AGBL1: variants seen among roughly 807,000 people sequenced by gnomAD.
AGBL1 encodes the protein AGBL carboxypeptidase 1, also known as cytosolic carboxypeptidase 4.
A neutral mutation model predicts 118.9 loss-of-function variants in AGBL1; 130 were observed. The observed-to-expected ratio is 1.09, with a 90% CI of 0.95 to 1.26. The LOEUF (loss-of-function observed/expected upper bound fraction) is 1.26. Ranked by LOEUF, AGBL1 falls within the 50% of genes most tolerant of loss-of-function variation. The pLI, the probability that AGBL1 is intolerant of heterozygous loss-of-function variation, is 0.00. For synonymous variants in AGBL1, 555 were observed against 478.9 expected, an observed-to-expected ratio of 1.16 and a Z score of -2.08; for missense variants, 1,584 against 1,298.1, an observed-to-expected ratio of 1.22 and a Z score of -3.38.
intron 1 of AGBL1, among the ~76,000 whole-genome samples, chr15:86,112,780 C>G (rs952712835): frequency 3.3e-5 from 5 of 152,224 alleles, no homozygotes; most frequent in African/African-American, 9.6e-5. Flanking sequence ...TTTTAAATCT[C>G]TTCCCATTTG....
At chr15:86,440,000 C>G (rs969721654) in intron 18 of AGBL1, among the ~76,000 whole-genome samples, 4 of 152,104 alleles carry the variant, frequency 2.6e-5, no homozygotes, top group African/African-American at 9.7e-5. Flanking sequence ...AATTTTTTCC[C>G]TGGATAGAAA....
chr15:86,596,228 A>G (rs952784036), intron 21 of AGBL1, among the ~76,000 whole-genome samples: 15 of 152,164 alleles, frequency 9.9e-5, no homozygotes, highest in African/African-American at 3.4e-4. Context: ...GGATTGCATG[A>G]GCCCTCCCTA....
At chr15:86,688,660 T>C (rs919667291) in intron 22 of AGBL1, among the ~76,000 whole-genome samples, 1 of 152,152 alleles carries the variant, frequency 6.6e-6, no homozygotes, top group Non-Finnish European at 1.5e-5. Flanking sequence ...TATTTCCCTA[T>C]GAAGTGAAAT....
At chr15:86,138,053 A>G (rs1321982875) in intron 1 of AGBL1, among the ~76,000 whole-genome samples, 1 of 152,180 alleles carries the variant, frequency 6.6e-6, no homozygotes, top group Non-Finnish European at 1.5e-5. Context: ...TGAGAAATTA[A>G]TAAAATATAT....
intron 18 of AGBL1, among the ~76,000 whole-genome samples, chr15:86,478,167 G>C (rs1032518972): frequency 2.6e-5 from 4 of 152,030 alleles, no homozygotes; most frequent in Admixed American, 2.0e-4. Flanking sequence ...TTTGAAAACG[G>C]GCACAAGACA....
At chr15:86,925,475 C>G (rs1284032696) in intron 23 of AGBL1, among the ~76,000 whole-genome samples, 1 of 152,108 alleles carries the variant, frequency 6.6e-6, no homozygotes, top group Non-Finnish European at 1.5e-5. Flanking sequence ...GAAGCTTTTT[C>G]TATTAATAAC....
At chr15:86,190,729 A>G (rs983479005) in intron 5 of AGBL1, among the ~76,000 whole-genome samples, 3 of 152,212 alleles carry the variant, frequency 2.0e-5, no homozygotes, top group Non-Finnish European at 1.5e-5. Flanking sequence ...ATCAAAGAAC[A>G]TGGACACAGA....
At chr15:86,334,181 G>A (rs1450726830) in intron 17 of AGBL1, among the ~76,000 whole-genome samples, 1 of 152,138 alleles carries the variant, frequency 6.6e-6, no homozygotes, top group South Asian at 2.1e-4. Context: ...CCCAGCCAGA[G>A]CATTCAGGCA....
At chr15:86,172,898 A>G (rs1175208244) in intron 5 of AGBL1, among the ~76,000 whole-genome samples, 1 of 151,884 alleles carries the variant, frequency 6.6e-6, no homozygotes, top group African/African-American at 2.4e-5. Flanking sequence ...TGATAGTCCT[A>G]TTTTTAGTTT....
rs28670608 is a variant in AGBL1 at position 86,890,889 on chromosome 15, T to C, written c.3159-16198T>C. 2.8e-3 allele frequency among the ~76,000 whole-genome samples: 422 copies of C among 152,312 alleles called. 4 individuals carry two copies. Among genetic ancestry groups the C allele is most frequent in the African/African-American group, 9.7e-3 (404 of 41,572 alleles). ...CTATGCAGGCTCTTTTTTAGTTTCA[T>C]ATGAATTTTAAAATAGTTTTTCCTA... On this transcript the variant is annotated intron_variant, in intron 22 of 22. Transcript: ENST00000614907.
intron 18 of AGBL1, among the ~76,000 whole-genome samples, chr15:86,402,852 A>C (rs1207226936): frequency 1.3e-5 from 2 of 152,216 alleles, no homozygotes; most frequent in Non-Finnish European, 2.9e-5. Context: ...TGAACAGGGA[A>C]AGAAAATACA....
At chr15:86,143,954 G>T in intron 3 of AGBL1, 109 bp downstream of exon 3, 2 of 1,350,606 alleles carry the variant, frequency 1.5e-6, no homozygotes, top group Non-Finnish European at 2.0e-6. Context: ...AAAGCGTCAG[G>T]GAGGTTCTGG....
At chr15:86,506,640 T>C (rs999703313) in intron 18 of AGBL1, among the ~76,000 whole-genome samples, 2 of 152,054 alleles carry the variant, frequency 1.3e-5, no homozygotes, top group Non-Finnish European at 2.9e-5. Context: ...TGCTGCACTA[T>C]ACCTGACAGA....
intron 6 of AGBL1, among the ~76,000 whole-genome samples, chr15:86,231,784 A>G (rs766926016): frequency 1.3e-5 from 2 of 152,144 alleles, no homozygotes; most frequent in African/African-American, 2.4e-5. Context: ...TCTGTGCTGA[A>G]CCGAGGAAAT....
chr15:86,811,882 G>C (rs774353463), intron 22 of AGBL1, among the ~76,000 whole-genome samples: 8 of 152,200 alleles, frequency 5.3e-5, no homozygotes, highest in Admixed American at 2.6e-4. Flanking sequence ...ATATCTACCA[G>C]GTACATTAAT....
chr15:86,737,519 G>A (rs548876508), intron 22 of AGBL1, among the ~76,000 whole-genome samples: 1 of 152,078 alleles, frequency 6.6e-6, no homozygotes, highest in Admixed American at 6.6e-5. Flanking sequence ...ATGATATCTC[G>A]GCTTGTGAGA....
chr15:86,786,173 G>A (rs541597236), intron 22 of AGBL1, among the ~76,000 whole-genome samples: 1 of 152,070 alleles, frequency 6.6e-6, no homozygotes, highest in Non-Finnish European at 1.5e-5. Flanking sequence ...AGTTAGATAT[G>A]TATACACGTG....
intron 19 of AGBL1, 89 bp downstream of exon 19, chr15:86,523,028 C>G: frequency 6.8e-7 from 1 of 1,467,976 alleles, no homozygotes; most frequent in Non-Finnish European, 9.5e-7. Flanking sequence ...CAAGAATAGA[C>G]AATGACCAAA....
intron 22 of AGBL1, among the ~76,000 whole-genome samples, chr15:86,756,399 C>G (rs1234898430): frequency 6.6e-6 from 1 of 151,874 alleles, no homozygotes. Context: ...GGATTGGGGA[C>G]TCATCAGTTC....
Sources: gnomAD v4.1 joint callset for allele counts (sites outside exome capture counted in the v4.1 genomes callset) on GRCh38, gnomAD v4.1.1 for gene constraint, MANE v1.5 for transcripts, NCBI Gene and HGNC (gene_info 2026-07-23, HGNC 2026-07-21) for gene names.